The following STEAP2 variants were observed in gnomAD, a reference collection of about 807,000 sequenced individuals.
STEAP2 encodes metalloreductase STEAP2.
STEAP2 carries 30 observed loss-of-function variants against 46.4 expected under a neutral mutation model. The observed-to-expected ratio is 0.65, with a 90% confidence interval of 0.48 to 0.88. The LOEUF is 0.88. STEAP2 is among the 40% of genes least tolerant of loss of function. The probability of loss-of-function intolerance (pLI) is 0.00; values close to 1 mark genes in which losing one functional copy is unlikely to be tolerated. For missense variants in STEAP2, 513 were observed against 579.3 expected (o/e 0.89, Z 1.18); for synonymous variants, 180 against 200.5 (o/e 0.90, Z 0.86).
chr7:90,216,369 A>G (rs1302999410), intron 1 of STEAP2, 122 bp from the exon 2 acceptor site: 2 of 152,230 alleles, frequency 1.3e-5, no homozygotes, highest in African/African-American at 2.4e-5. Flanking sequence ...ATCCCCTTGT[A>G]GAACAGAAAG....
chr7:90,217,439 ATC>A (rs753897278), intron 2 of STEAP2, among the ~76,000 whole-genome samples: 3 of 152,224 alleles, frequency 2.0e-5, no homozygotes, highest in Non-Finnish European at 4.4e-5. Flanking sequence ...AGCCTCTGAT[ATC>A]TCTCATGCTA....
chr7:90,225,961 T>C lies in STEAP2; in HGVS notation c.492+387T>C, dbSNP rs141455173. Among the ~76,000 whole-genome samples the C allele has an allele frequency of 6.3e-3, 959 of 152,302 alleles. 9 individuals carry two copies. Among genetic ancestry groups the C allele is most frequent in the African/African-American group, 0.02 (851 of 41,584 alleles). On this transcript the variant is annotated intron_variant, in intron 3 of 5. Transcript: ENST00000394621. ...TTATTGTTTTTGTCCATAAAGACAG[T>C]TGATTAGATTCCTTAGAAAATAAGT...
Position 90,232,938 on chromosome 7 carries a change from A to C in STEAP2, c.*314A>C. The C allele has an allele frequency of 1.0e-6, 1 of 987,852 alleles. No individual in the cohort carries two copies. Among genetic ancestry groups the C allele is most frequent in the Non-Finnish European group, 1.2e-6 (1 of 828,098 alleles). 61.2% of individuals were successfully genotyped at this position (987,852 alleles called of 1,614,324 possible). ...TACTTACAGTTAATAATATAGATATAATGTTAAAAACAATTTGCAAACCAG... is the reference window on the plus strand; with the variant it reads ...TACTTACAGTTAATAATATAGATATCATGTTAAAAACAATTTGCAAACCAG... On this transcript the variant is annotated 3_prime_UTR_variant, in exon 6 of 6. Transcript: ENST00000394621.
At chr7:90,243,393 G>GT in the STEAP2 span, among the ~76,000 whole-genome samples, 1 of 152,084 alleles carries the variant, frequency 6.6e-6, no homozygotes, top group Admixed American at 6.5e-5. Flanking sequence ...AAGAGTTAGA[G>GT]TTTTTTAAAT....
downstream of STEAP2, among the ~76,000 whole-genome samples, chr7:90,241,408 C>A (rs1328268941): frequency 6.6e-6 from 1 of 152,136 alleles, no homozygotes; most frequent in African/African-American, 2.4e-5. Flanking sequence ...GGATAACTTA[C>A]AAAATGCTTT....
chr7:90,232,374 T>G lies in STEAP2; in HGVS notation c.1223T>G (p.Phe408Cys). Residue 408 changes from phenylalanine (F) to cysteine (C), a missense_variant, in exon 6 of 6, where the codon TTC (phenylalanine) becomes TGC (cysteine). Phe to Cys is a radical substitution (Grantham distance 205). Transcript: ENST00000394621. ...TATGTCGCTCTGCTCATAAGTACTT[T>G]CCATGTTTTAATTTATGGATGGAAA... The part of the protein sequence containing the change: ...LGYVALLIST[F>C]HVLIYGWKRA... 1 of 1,613,168 alleles carries G rather than the reference T, an allele frequency of 6.2e-7. No homozygotes were observed. The highest frequency in any genetic ancestry group is 8.5e-7 in the Non-Finnish European group (1 of 1,179,454).
chr7:90,230,360 T>C (rs1795688170), intron 5 of STEAP2, among the ~76,000 whole-genome samples: 1 of 152,064 alleles, frequency 6.6e-6, no homozygotes, highest in Admixed American at 6.6e-5. Flanking sequence ...AAAGTCAATT[T>C]ATTATTAGCC....
At chr7:90,227,953 G>C (rs1795569937) in intron 4 of STEAP2, among the ~76,000 whole-genome samples, 2 of 152,164 alleles carry the variant, frequency 1.3e-5, no homozygotes, top group South Asian at 2.1e-4. Context: ...TCTGCTAAGA[G>C]TGTCTCCACA....
chr7:90,232,327 C>G lies in STEAP2; in HGVS notation c.1186-10C>G, dbSNP rs746372145. On this transcript the variant is annotated splice_polypyrimidine_tract_variant and intron_variant, in intron 5 of 5. Coordinates refer to ENST00000394621, the MANE Select transcript of STEAP2 (RefSeq NM_001244944.2). ...TTCTTTGTTTCTTTTCCTTCCTCTC[C>G]TGGCCCAAGTCTACACTTGGATATG... is the stretch of plus-strand genomic sequence containing the variant. 6.4e-7 allele frequency: 1 copy of G among 1,568,804 alleles called. No individual in the cohort carries two copies. The highest frequency in any genetic ancestry group is 1.2e-5 in the South Asian group (1 of 83,510).
chr7:90,220,126 G>A (rs1795190948), intron 2 of STEAP2, among the ~76,000 whole-genome samples: 2 of 152,194 alleles, frequency 1.3e-5, no homozygotes, highest in African/African-American at 4.8e-5. Context: ...TGCTTTTGGT[G>A]TGAAGATAAT....
intron 1 of STEAP2, among the ~76,000 whole-genome samples, chr7:90,213,009 C>T (rs972133521): frequency 1.3e-5 from 2 of 151,914 alleles, no homozygotes; most frequent in African/African-American, 4.8e-5. Context: ...CTCCGATTCT[C>T]TCTTGGTTGC....
chr7:90,240,051 C>T (rs10242892), downstream of STEAP2, among the ~76,000 whole-genome samples: 471 of 152,232 alleles, frequency 3.1e-3, 3 homozygotes, highest in African/African-American at 0.01. This position sits in a 1 kb window ranked among gnomAD's most constrained non-coding sequence, Gnocchi z 4.1. Context: ...GTGGGCAGAT[C>T]GTTTGAACCC....
At chr7:90,224,957 T>G in intron 2 of STEAP2, 93 bp from the exon 3 acceptor site, 2 of 1,079,142 alleles carry the variant, frequency 1.9e-6, no homozygotes, top group Non-Finnish European at 2.7e-6. Flanking sequence ...GTGAAATATT[T>G]TACCTCTAGA....
chr7:90,236,913 C>A lies in STEAP2; in HGVS notation c.*4289C>A. The stretch of plus-strand genomic sequence containing the variant: ...AAGATCTTTTGCAGCTTTGCAGATA[C>A]CCAGACTGAGCTGGAACTGGAATTT... On this transcript the variant is annotated 3_prime_UTR_variant, in exon 6 of 6. Transcript: ENST00000394621. The A allele has an allele frequency of 6.2e-7, 1 of 1,614,044 alleles. No individual in the cohort carries two copies. Among genetic ancestry groups the A allele is most frequent in the Non-Finnish European group, 8.5e-7 (1 of 1,179,990 alleles).
At position 90,234,331 on chromosome 7, in the gene STEAP2, T is replaced by A. The variant is rs1795877352; in HGVS notation, c.*1707T>A. The A allele has an allele frequency of 1.0e-6, 1 of 985,012 alleles. No individual in the cohort carries two copies. The highest frequency in any genetic ancestry group is 1.2e-6 in the Non-Finnish European group (1 of 829,780). The allele number at this position is 985,012 out of a possible 1,614,324, so 61.0% of individuals were successfully genotyped here. ...TTAAAATAGAAAATTATAGGCAAGA[T>A]ACAATTATATGCGTTCCTCTTCCTG... On this transcript the variant is annotated 3_prime_UTR_variant, in exon 6 of 6. Transcript: ENST00000394621.
At chr7:90,217,580 A>G (rs1795074266) in intron 2 of STEAP2, among the ~76,000 whole-genome samples, 2 of 152,028 alleles carry the variant, frequency 1.3e-5, no homozygotes, top group South Asian at 4.2e-4. Flanking sequence ...GTTGCTGCAA[A>G]TGACACGATT....
intron 2 of STEAP2, among the ~76,000 whole-genome samples, chr7:90,216,969 GC>G (rs1795049369): frequency 6.6e-6 from 1 of 152,142 alleles, no homozygotes; most frequent in South Asian, 2.1e-4. Flanking sequence ...TTGCAGTTCT[GC>G]TACTCCATGT....
Position 90,235,147 on chromosome 7 carries a change from C to T in STEAP2, c.*2523C>T. On this transcript the variant is annotated 3_prime_UTR_variant, in exon 6 of 6. Coordinates refer to ENST00000394621, the MANE Select transcript of STEAP2 (RefSeq NM_001244944.2). ...ATTGTTGCATGTATATATTAAGTAG[C>T]CGATACTCTAAATAAAAATACCACT... 1 of 952,396 alleles carries T rather than the reference C, an allele frequency of 1.0e-6. No individual in the cohort carries two copies. The allele number at this position is 952,396 out of a possible 1,614,324, so 59.0% of individuals were successfully genotyped here.
At chr7:90,228,807 G>A (rs1795613026) in intron 4 of STEAP2, among the ~76,000 whole-genome samples, 1 of 152,168 alleles carries the variant, frequency 6.6e-6, no homozygotes, top group South Asian at 2.1e-4. Flanking sequence ...TGAACTGGGA[G>A]AGCAGGTAGA....
Sources: gnomAD v4.1 joint callset for allele counts (sites outside exome capture counted in the v4.1 genomes callset) on GRCh38, gnomAD v4.1.1 for gene constraint, Gnocchi (gnomAD v3.1) non-coding constraint, MANE v1.5 for transcripts, NCBI Gene and HGNC (gene_info 2026-07-23, HGNC 2026-07-21) for gene names.